Variants in MYH14 observed in about 807,000 individuals in gnomAD.
The protein encoded by MYH14 is myosin-14.
Under a neutral mutation model 255.5 loss-of-function variants are expected in MYH14, and 123 were observed. The ratio of observed to expected loss-of-function variants is 0.48; its 90% CI spans 0.42 to 0.56. The LOEUF (loss-of-function observed/expected upper bound fraction) is 0.56, where lower values mean the gene tolerates loss of function less well. Ranked by LOEUF, MYH14 falls within the 20% of genes least tolerant of loss-of-function variation. The pLI, the probability that MYH14 is intolerant of heterozygous loss-of-function variation, is 0.00. For synonymous variants in MYH14, 1,095 were observed against 1,161.2 expected (o/e 0.94, Z 1.16); for missense variants, 2,423 against 2,802.3 (o/e 0.86, Z 3.06).
intron 1 of MYH14, among the ~76,000 whole-genome samples, chr19:50,205,816 G>A (rs1339832157): frequency 6.6e-6 from 1 of 152,180 alleles, no homozygotes; most frequent in African/African-American, 2.4e-5. Flanking sequence ...AGCAGGGGCT[G>A]GGGGCCTGAA....
In MYH14 at chr19:50,290,920, C is replaced by A; in HGVS notation, c.4999C>A (p.Arg1667=). The change falls in exon 36 of 43, where the codon CGG becomes AGG. Residue 1667 remains arginine, a synonymous_variant. Transcript: ENST00000642316. ...TGCAGAGGTGGAGCGGGATGAGGAG[C>A]GGAAGCAGCGCACTCTGGCCGTGGC... The part of the protein sequence containing the change: ...RDAEVERDEE[R]KQRTLAVAAR... 1 of 1,576,820 alleles carries A rather than the reference C, an allele frequency of 6.3e-7. No individual in the cohort carries two copies. The highest frequency in any genetic ancestry group is 8.6e-7 in the Non-Finnish European group (1 of 1,162,012).
At chr19:50,216,338 C>A (rs538895767) in intron 2 of MYH14, among the ~76,000 whole-genome samples, 1 of 152,216 alleles carries the variant, frequency 6.6e-6, no homozygotes, top group African/African-American at 2.4e-5. Flanking sequence ...TGCGGTGACT[C>A]AAGCCTGTAA....
chr19:50,240,213 C>T (rs941205967), intron 10 of MYH14, among the ~76,000 whole-genome samples: 4 of 152,190 alleles, frequency 2.6e-5, no homozygotes, highest in Non-Finnish European at 5.9e-5. Context: ...ACTTTGTAAA[C>T]GTTCCTGGAG....
In MYH14 at chr19:50,276,916, G is replaced by A; in HGVS notation, c.3825+15G>A. The stretch of plus-strand genomic sequence containing the variant: ...AGGCCCGGAGGGTGGGTTGGGGCAG[G>A]GGGACAGGGCAGGGGGGCCACGGGG... On this transcript the variant is annotated intron_variant, in intron 29 of 42. Transcript: ENST00000642316. The surrounding 1 kb of genome is among the most constrained non-coding windows in gnomAD (Gnocchi z 4.3). 6.3e-7 allele frequency: 1 copy of A among 1,591,316 alleles called. No individual in the cohort carries two copies. Among genetic ancestry groups the A allele is most frequent in the Non-Finnish European group, 8.6e-7 (1 of 1,168,046 alleles).
At chr19:50,210,096 C>CAAAAAAAAAAAAA (rs71180680) in intron 1 of MYH14, among the ~76,000 whole-genome samples, 1 of 59,600 alleles carries the variant, frequency 1.7e-5, no homozygotes, top group African/African-American at 6.0e-5. Flanking sequence ...GACTCCGTCT[C>CAAAAAAAAAAAAA]AAAAAAAAAA....
At chr19:50,206,630 A>AT (rs1218261563) in intron 1 of MYH14, among the ~76,000 whole-genome samples, 1 of 151,702 alleles carries the variant, frequency 6.6e-6, no homozygotes, top group Non-Finnish European at 1.5e-5. Flanking sequence ...GGGCTTGGGG[A>AT]TGGGAGGAGA....
In MYH14 at chr19:50,301,757, C is replaced by G; in HGVS notation, c.5566C>G (p.Arg1856Gly). 2.5e-6 allele frequency: 4 copies of G among 1,613,870 alleles called. No individual in the cohort carries two copies. The highest frequency in any genetic ancestry group is 3.4e-6 in the Non-Finnish European group (4 of 1,179,856). ...QQLERQIQEL[R>G]GRLGEEDAGA... The stretch of plus-strand genomic sequence containing the variant: ...GCTGGAACGGCAGATCCAGGAGCTA[C>G]GGGGACGCCTGGGTGAGGAGGATGC... Residue 1856 changes from arginine (R) to glycine (G), a missense_variant, in exon 40 of 43, where the codon CGG becomes GGG. Around this residue, in one of 3 missense-constraint regions of MYH14, gnomAD observed 1,513 missense variants for 1,674.8 expected, o/e 0.90. Transcript: ENST00000642316.
At position 50,280,013 on chromosome 19, in the gene MYH14, T is replaced by G. The variant is rs1382617993; in HGVS notation, c.4033-24T>G. The G allele has an allele frequency of 6.4e-7, 1 of 1,571,920 alleles. No individual in the cohort carries two copies. The highest frequency in any genetic ancestry group is 1.8e-5 in the Admixed American group (1 of 55,652). On this transcript the variant is annotated intron_variant, in intron 30 of 42. Transcript: ENST00000642316. The surrounding 1 kb of genome is among the most constrained non-coding windows in gnomAD (Gnocchi z 4.8). ...TGGGTGGAAGCCACGATTGGAGGGC[T>G]TCATTCCCGTCCCTTCCCTGCAGGC...
chr19:50,232,462 T>C (rs2033446806), intron 10 of MYH14, among the ~76,000 whole-genome samples: 1 of 151,432 alleles, frequency 6.6e-6, no homozygotes, highest in South Asian at 2.1e-4. Context: ...GGCGTGGTGG[T>C]GGGCACCTGT....
chr19:50,257,430 C>T lies in MYH14; in HGVS notation c.2176C>T (p.Leu726Phe), dbSNP rs763817640. Residue 726 changes from leucine (L) to phenylalanine (F), a missense_variant, in exon 18 of 43, where the codon CTC becomes TTC. Around this residue, in one of 3 missense-constraint regions of MYH14, gnomAD observed 672 missense variants for 881.8 expected, o/e 0.76. Coordinates refer to ENST00000642316, the MANE Select transcript of MYH14 (RefSeq NM_001145809.2). ...KESLSRLMAT[L>F]SNTNPSFVRC... ...GTCCCTGAGCCGCCTCATGGCCACACTCAGCAACACCAACCCCAGTTTTGT... is the reference window on the plus strand; with the variant it reads ...GTCCCTGAGCCGCCTCATGGCCACATTCAGCAACACCAACCCCAGTTTTGT... The T allele has an allele frequency of 6.2e-7, 1 of 1,608,280 alleles. No individual in the cohort carries two copies. The highest frequency in any genetic ancestry group is 1.3e-5 in the African/African-American group (1 of 74,858).
chr19:50,217,656 G>A lies in MYH14; in HGVS notation c.447G>A (p.Lys149=), dbSNP rs753255490. 1 of 1,613,998 alleles carries A rather than the reference G, an allele frequency of 6.2e-7. No homozygotes were observed. The highest frequency in any genetic ancestry group is 2.2e-5 in the East Asian group (1 of 44,872). The change falls in exon 3 of 43, where the codon AAG becomes AAA. Residue 149 remains lysine, a synonymous_variant. Transcript: ENST00000642316. ...TCTGTGTGGTCATCAACCCGTACAA[G>A]CAGCTTCCCATCTACACAGAAGCCA... ...GLFCVVINPY[K]QLPIYTEAIV...
intron 2 of MYH14, among the ~76,000 whole-genome samples, chr19:50,211,873 A>C (rs1387879683): frequency 6.6e-6 from 1 of 152,028 alleles, no homozygotes; most frequent in Non-Finnish European, 1.5e-5. Flanking sequence ...TTGTAGTCCC[A>C]GTTACTTGGG....
In MYH14 at chr19:50,230,595, G is replaced by T. The variant is rs528002710; in HGVS notation, c.945G>T (p.Leu315=). The part of the protein sequence containing the change: ...DECSFHIFYQ[L]LGGAGEQLKA... ...GCAGCTTCCACATCTTCTACCAGCTGCTGGGGGGCGCTGGAGAGCAGCTCA... is the reference window on the plus strand; with the variant it reads ...GCAGCTTCCACATCTTCTACCAGCTTCTGGGGGGCGCTGGAGAGCAGCTCA... Residue 315 remains leucine, a synonymous_variant, in exon 9 of 43, where the codon CTG becomes CTT. Transcript: ENST00000642316. This position sits in a 1 kb window ranked among gnomAD's most constrained non-coding sequence, Gnocchi z 4.7. 14 of 1,566,258 alleles carry T rather than the reference G, an allele frequency of 8.9e-6. No individual in the cohort carries two copies. The highest frequency in any genetic ancestry group is 3.8e-5 in the Admixed American group (2 of 52,576).
In MYH14 at chr19:50,249,548, C is replaced by CTG. The variant is rs1383293675; in HGVS notation, c.1483-101_1483-100insGT. 142 of 1,380,310 alleles carry CTG rather than the reference C, an allele frequency of 1.0e-4. No individual in the cohort carries two copies. The African/African-American group carries it at 1.4e-3, about 14-fold the overall frequency. 85.5% of individuals were successfully genotyped at this position (1,380,310 alleles called of 1,614,324 possible). A position where few individuals can be genotyped will look rare whatever the true frequency, so the allele number is the denominator to read the frequency against. On this transcript the variant is annotated intron_variant, in intron 13 of 42. Coordinates refer to ENST00000642316, the MANE Select transcript of MYH14 (RefSeq NM_001145809.2). ...CCCCCTCTCTCTGGGTCTCTGTCCC[C>CTG]TCTCGATGCATCTCTGTCCCCTGTC... is the stretch of plus-strand genomic sequence containing the variant.
At chr19:50,238,985 G>T (rs582078) in intron 10 of MYH14, among the ~76,000 whole-genome samples, 146,795 of 152,278 alleles carry the variant, frequency 0.96, 70,806 homozygotes, top group African/African-American at 0.99. Context: ...ACAGACCTTA[G>T]GCCAGTTGTC....
intron 1 of MYH14, among the ~76,000 whole-genome samples, chr19:50,207,903 C>T (rs1600850148): frequency 6.6e-6 from 1 of 152,188 alleles, no homozygotes; most frequent in Non-Finnish European, 1.5e-5. Flanking sequence ...GACACAGCCA[C>T]ACAGATGCAT....
At chr19:50,302,072 G>A (rs912387193) in intron 40 of MYH14, among the ~76,000 whole-genome samples, 1 of 135,534 alleles carries the variant, frequency 7.4e-6, no homozygotes, top group Non-Finnish European at 1.5e-5. Context: ...GAGGCCAGGA[G>A]TTTTCAGACC....
At chr19:50,290,595 C>T (rs2036037876) in intron 35 of MYH14, among the ~76,000 whole-genome samples, 1 of 152,070 alleles carries the variant, frequency 6.6e-6, no homozygotes, top group Non-Finnish European at 1.5e-5. Context: ...AAGACTTGGC[C>T]CTGGGGGCAC....
rs142982312 is a variant in MYH14, at chr19:50,289,410, T to C, written c.4753-26T>C. ...ACCTCCTCTGCCTCAGTGACCCAGG[T>C]ACCCAGCAGCTACTCTCCCCACCAG... On this transcript the variant is annotated intron_variant, in intron 34 of 42. Transcript: ENST00000642316. 754 of 1,581,502 alleles carry C rather than the reference T, an allele frequency of 4.8e-4. 11 individuals carry two copies. In the East Asian group the frequency reaches 0.017, roughly 36 times the overall value.
Sources: allele counts gnomAD v4.1 joint callset (sites outside exome capture counted in the v4.1 genomes callset), GRCh38; gene constraint gnomAD v4.1.1; regional missense constraint gnomAD v4.1.1; non-coding constraint Gnocchi (gnomAD v3.1); transcripts MANE v1.5; gene names NCBI Gene and HGNC (gene_info 2026-07-23, HGNC 2026-07-21).